PIP5K1B: variants seen among roughly 807,000 people sequenced by gnomAD.
PIP5K1B encodes the protein phosphatidylinositol-4-phosphate 5-kinase type 1 beta.
In PIP5K1B, 42 loss-of-function variants were observed where a neutral mutation model predicts 67.0. That is an observed-to-expected ratio of 0.63 (90% CI 0.49 to 0.81). The LOEUF is 0.81. Ranked by LOEUF, PIP5K1B falls within the 30% of genes least tolerant of loss-of-function variation. The probability of loss-of-function intolerance (pLI) is 0.00; values close to 1 mark genes in which losing one functional copy is unlikely to be tolerated. For missense variants in PIP5K1B, 459 were observed against 646.3 expected (o/e 0.71, Z 3.14); for synonymous variants, 214 against 231.4 (o/e 0.92, Z 0.68).
chr9:68,931,689 C>T (rs1403333781), intron 12 of PIP5K1B, among the ~76,000 whole-genome samples: 1 of 152,150 alleles, frequency 6.6e-6, no homozygotes, highest in Admixed American at 6.5e-5. Context: ...GGCCTAAGGG[C>T]AGAATGAACA....
chr9:68,844,903 A>G (rs1479528056), intron 4 of PIP5K1B, among the ~76,000 whole-genome samples: 2 of 152,162 alleles, frequency 1.3e-5, no homozygotes, highest in Admixed American at 1.3e-4. Context: ...GCAAAATACA[A>G]TTACTTTCTG....
chr9:69,006,428 A>G (rs1227901285), intron 15 of PIP5K1B, among the ~76,000 whole-genome samples: 2 of 152,162 alleles, frequency 1.3e-5, no homozygotes, highest in African/African-American at 2.4e-5. Context: ...CGCCCTTCAC[A>G]CATTCTGAGA....
chr9:68,993,479 AT>A (rs1415561900), intron 15 of PIP5K1B, among the ~76,000 whole-genome samples: 1 of 151,900 alleles, frequency 6.6e-6, no homozygotes, highest in African/African-American at 2.4e-5. Flanking sequence ...TTGTAAAAAG[AT>A]TTTTTCTCTG....
In PIP5K1B at chr9:68,730,659, G is replaced by A. The variant is rs1011073902; in HGVS notation, c.-242-11842G>A. On this transcript the variant is annotated intron_variant, in intron 1 of 15. Coordinates refer to ENST00000265382, the MANE Select transcript of PIP5K1B (RefSeq NM_003558.4). Reference sequence around the variant, plus strand: ...AATTGCAGAAAAGCAGAGAATTTCAGCCAACAGAAGTCACTGTAGTGGACT... The same window carrying A: ...AATTGCAGAAAAGCAGAGAATTTCAACCAACAGAAGTCACTGTAGTGGACT... Among the ~76,000 whole-genome samples, 9 of 152,272 alleles carry A rather than the reference G, an allele frequency of 5.9e-5. No individual in the cohort carries two copies. In the East Asian group the frequency reaches 1.5e-3, roughly 26 times the overall value.
At chr9:68,988,456 T>TGGGG (rs1564296411) in intron 14 of PIP5K1B, among the ~76,000 whole-genome samples, 1 of 67,824 alleles carries the variant, frequency 1.5e-5, no homozygotes, top group East Asian at 2.6e-4. Context: ...TTTTTTTTTT[T>TGGGG]TTTTTTTTTT....
chr9:68,870,838 T>C (rs138959520), intron 5 of PIP5K1B, among the ~76,000 whole-genome samples: 1 of 152,328 alleles, frequency 6.6e-6, no homozygotes, highest in East Asian at 1.9e-4. Context: ...AGGAGTTGCG[T>C]AAGTACTAGT....
At chr9:68,982,974 A>G (rs1829950934) in intron 14 of PIP5K1B, among the ~76,000 whole-genome samples, 1 of 152,134 alleles carries the variant, frequency 6.6e-6, no homozygotes, top group African/African-American at 2.4e-5. Flanking sequence ...CCTAGGTAAG[A>G]CTTTATGTCC....
intron 14 of PIP5K1B, among the ~76,000 whole-genome samples, chr9:68,978,257 C>G (rs2132872276): frequency 6.6e-6 from 1 of 152,336 alleles, no homozygotes; most frequent in Admixed American, 6.5e-5. Flanking sequence ...ATCTGGCATA[C>G]ATTTTGGCCA....
At chr9:68,811,526 A>C (rs1488603938) in intron 2 of PIP5K1B, among the ~76,000 whole-genome samples, 1 of 152,042 alleles carries the variant, frequency 6.6e-6, no homozygotes, top group Non-Finnish European at 1.5e-5. Context: ...TGTCTTCTCC[A>C]TGCTTCTAAA....
chr9:68,799,065 T>G (rs951859503), intron 2 of PIP5K1B, among the ~76,000 whole-genome samples: 6 of 152,228 alleles, frequency 3.9e-5, no homozygotes, highest in Non-Finnish European at 7.3e-5. Context: ...AAGAGGTGTT[T>G]GAGTTTTGTT....
intron 2 of PIP5K1B, chr9:68,789,075 G>T: frequency 3.9e-6 from 2 of 509,690 alleles, no homozygotes; most frequent in South Asian, 1.8e-5. Flanking sequence ...AGCAATTGTA[G>T]AACCTGATTT....
chr9:68,985,344 C>T (rs1391477195), intron 14 of PIP5K1B, among the ~76,000 whole-genome samples: 3 of 151,898 alleles, frequency 2.0e-5, no homozygotes, highest in Non-Finnish European at 4.4e-5. Flanking sequence ...CTCCGTCTTC[C>T]GGATTCAAGC....
intron 2 of PIP5K1B, chr9:68,780,182 G>A: frequency 6.5e-7 from 1 of 1,527,244 alleles, no homozygotes; most frequent in Non-Finnish European, 8.7e-7. Context: ...AGGAGAAGAT[G>A]GAGCTAGACC....
At chr9:68,765,003 T>A (rs1238088359) in intron 2 of PIP5K1B, among the ~76,000 whole-genome samples, 1 of 152,112 alleles carries the variant, frequency 6.6e-6, no homozygotes, top group Non-Finnish European at 1.5e-5. Context: ...ATTCTGAATA[T>A]TGTTTTAAAG....
intron 14 of PIP5K1B, among the ~76,000 whole-genome samples, chr9:68,967,631 T>C (rs970488755): frequency 1.3e-5 from 2 of 152,200 alleles, no homozygotes; most frequent in African/African-American, 2.4e-5. Flanking sequence ...CAGACACTGC[T>C]ACAGGGTGAG....
intron 2 of PIP5K1B, chr9:68,788,742 A>G (rs986929575): frequency 7.3e-6 from 2 of 272,508 alleles, no homozygotes; most frequent in Non-Finnish European, 1.5e-5. Context: ...GCTGGTGACT[A>G]TCACTCCCTC....
At chr9:68,931,506 G>A (rs1410751010) in intron 12 of PIP5K1B, among the ~76,000 whole-genome samples, 1 of 152,116 alleles carries the variant, frequency 6.6e-6, no homozygotes, top group Non-Finnish European at 1.5e-5. Flanking sequence ...TAATATTTCT[G>A]CATATGCTAC....
At chr9:68,880,690 A>G (rs1034499885) in intron 6 of PIP5K1B, among the ~76,000 whole-genome samples, 1 of 151,958 alleles carries the variant, frequency 6.6e-6, no homozygotes, top group Non-Finnish European at 1.5e-5. Flanking sequence ...GTTTGATTCC[A>G]TTTGTCCACC....
chr9:68,824,877 A>C (rs913628945), intron 4 of PIP5K1B, among the ~76,000 whole-genome samples: 6 of 152,210 alleles, frequency 3.9e-5, no homozygotes, highest in Non-Finnish European at 8.8e-5. Context: ...CATTTCCCAG[A>C]TGAAAGAACT....
Sources: allele counts gnomAD v4.1 joint callset (sites outside exome capture counted in the v4.1 genomes callset), GRCh38; gene constraint gnomAD v4.1.1; transcripts MANE v1.5; gene names NCBI Gene and HGNC (gene_info 2026-07-23, HGNC 2026-07-21).